Variants in SLC35F4 observed in about 807,000 individuals in gnomAD.
SLC35F4 encodes solute carrier family 35 member F4.
A neutral mutation model predicts 44.2 loss-of-function variants in SLC35F4; 24 were observed. The observed-to-expected ratio is 0.54, with a 90% CI of 0.39 to 0.76. SLC35F4 has a LOEUF of 0.76. Ranked by LOEUF, SLC35F4 falls within the 30% of genes least tolerant of loss-of-function variation. SLC35F4 has a pLI of 0.00. For synonymous variants in SLC35F4, 238 were observed against 223.6 expected (o/e 1.06, Z -0.57); for missense variants, 562 against 586.1 (o/e 0.96, Z 0.42).
chr14:57,742,089 G>A (rs1315300861), intron 1 of SLC35F4, among the ~76,000 whole-genome samples: 2 of 152,160 alleles, frequency 1.3e-5, no homozygotes, highest in African/African-American at 4.8e-5. Context: ...AACATGGAAA[G>A]GAACAACCGG....
intron 1 of SLC35F4, among the ~76,000 whole-genome samples, chr14:57,655,093 G>A (rs1206113225): frequency 6.6e-6 from 1 of 152,018 alleles, no homozygotes; most frequent in Non-Finnish European, 1.5e-5. Flanking sequence ...GTTCTTTACT[G>A]TATATCTGAA....
At chr14:57,741,391 T>G (rs1159206558) in intron 1 of SLC35F4, among the ~76,000 whole-genome samples, 2 of 152,068 alleles carry the variant, frequency 1.3e-5, no homozygotes, top group African/African-American at 2.4e-5. Flanking sequence ...AGAGAAGACC[T>G]TAAATGACCT....
chr14:57,884,668 A>G (rs1005368371), intron 1 of SLC35F4, among the ~76,000 whole-genome samples: 1 of 152,222 alleles, frequency 6.6e-6, no homozygotes, highest in African/African-American at 2.4e-5. Context: ...CAAACCAGAA[A>G]GTAAGTTCTT....
At chr14:57,717,020 G>T (rs1180695039) in intron 1 of SLC35F4, among the ~76,000 whole-genome samples, 2 of 152,054 alleles carry the variant, frequency 1.3e-5, no homozygotes, top group Admixed American at 6.5e-5. Flanking sequence ...TGTCCTACAG[G>T]CTCACCCATG....
At chr14:57,829,562 T>TTTC (rs1884136429) in intron 1 of SLC35F4, among the ~76,000 whole-genome samples, 1 of 152,178 alleles carries the variant, frequency 6.6e-6, no homozygotes, top group Non-Finnish European at 1.5e-5. Flanking sequence ...ATGGTGTCAC[T>TTTC]CTGGAACCTG....
At chr14:57,696,229 T>A (rs1316659384) in intron 1 of SLC35F4, among the ~76,000 whole-genome samples, 2 of 151,994 alleles carry the variant, frequency 1.3e-5, no homozygotes, top group Non-Finnish European at 2.9e-5. Context: ...TTAAACAAAT[T>A]TATAAGAAAA....
At chr14:57,787,300 TGAA>T (rs536147565) in intron 1 of SLC35F4, among the ~76,000 whole-genome samples, 53 of 152,306 alleles carry the variant, frequency 3.5e-4, no homozygotes, top group South Asian at 8.3e-4. Flanking sequence ...TCGGTGTTCC[TGAA>T]GAAGAAGAGA....
downstream of SLC35F4, among the ~76,000 whole-genome samples, chr14:57,975,885 G>A (rs1881200481): frequency 6.6e-6 from 1 of 152,204 alleles, no homozygotes; most frequent in Non-Finnish European, 1.5e-5. Context: ...CAAGGTGAAT[G>A]TCATTATCAT....
intron 1 of SLC35F4, among the ~76,000 whole-genome samples, chr14:57,726,897 G>C (rs2076217426): frequency 6.6e-6 from 1 of 152,114 alleles, no homozygotes; most frequent in Admixed American, 6.5e-5. Context: ...TCAGCTGCCA[G>C]CACAGCTAGA....
At chr14:57,812,662 G>C (rs1380201890) in intron 1 of SLC35F4, among the ~76,000 whole-genome samples, 1 of 151,988 alleles carries the variant, frequency 6.6e-6, no homozygotes, top group African/African-American at 2.4e-5. Context: ...GTATGACTTG[G>C]GGCAAGTTTG....
chr14:57,671,408 G>C (rs929180465), intron 1 of SLC35F4, among the ~76,000 whole-genome samples: 1 of 152,006 alleles, frequency 6.6e-6, no homozygotes, highest in Admixed American at 6.6e-5. Flanking sequence ...CAGCAGGATA[G>C]GGTACTGACC....
At chr14:57,590,064 C>T (rs2070061364) in intron 2 of SLC35F4, among the ~76,000 whole-genome samples, 1 of 150,754 alleles carries the variant, frequency 6.6e-6, no homozygotes, top group African/African-American at 2.4e-5. Context: ...AATAAATATT[C>T]GTTTCCATTT....
chr14:57,625,397 A>G (rs2072421780), intron 1 of SLC35F4, among the ~76,000 whole-genome samples: 1 of 152,210 alleles, frequency 6.6e-6, no homozygotes, highest in Non-Finnish European at 1.5e-5. Context: ...TATAAATTCA[A>G]TGCTATCCCT....
At chr14:57,644,873 A>G (rs1376237293) in intron 1 of SLC35F4, among the ~76,000 whole-genome samples, 1 of 152,228 alleles carries the variant, frequency 6.6e-6, no homozygotes, top group African/African-American at 2.4e-5. Context: ...TTTATTAAAT[A>G]GGGAATCCTT....
At chr14:57,582,222 G>C (rs142826938) in intron 3 of SLC35F4, among the ~76,000 whole-genome samples, 1,561 of 151,362 alleles carry the variant, frequency 0.01, 12 homozygotes, top group Middle Eastern at 0.031. Context: ...TTCCCCCTAG[G>C]TCTGGCTCTC....
At chr14:57,738,239 C>A (rs945913902) in intron 1 of SLC35F4, among the ~76,000 whole-genome samples, 1 of 152,148 alleles carries the variant, frequency 6.6e-6, no homozygotes, top group Non-Finnish European at 1.5e-5. Context: ...TTATATGGCT[C>A]ACATACATCT....
chr14:57,858,951 A>AAG (rs746838865), intron 1 of SLC35F4, among the ~76,000 whole-genome samples: 2 of 150,660 alleles, frequency 1.3e-5, no homozygotes, highest in Non-Finnish European at 3.0e-5. Flanking sequence ...AAAAAAAAAA[A>AAG]TTAATTAATT....
At chr14:57,873,720 A>G (rs1435270932) in intron 1 of SLC35F4, among the ~76,000 whole-genome samples, 2 of 150,436 alleles carry the variant, frequency 1.3e-5, no homozygotes, top group Non-Finnish European at 2.9e-5. Flanking sequence ...ATAATTTGCT[A>G]ATATTAAAGT....
In SLC35F4 at chr14:57,801,077, CA is replaced by C. The variant is rs1457293543; in HGVS notation, c.103+64645del. Among the ~76,000 whole-genome samples, 5 of 152,176 alleles carry C rather than the reference CA, an allele frequency of 3.3e-5. No homozygotes were observed. The East Asian group carries it at 9.7e-4, about 29-fold the overall frequency. On this transcript the variant is annotated intron_variant, in intron 1 of 7. Transcript: ENST00000556826. The stretch of plus-strand genomic sequence containing the variant: ...CAAGACACATAATCATCAGATTCTC[CA>C]AGGTCAAAATGAAAGGAAAAATATT...
Sources: allele counts gnomAD v4.1 joint callset (sites outside exome capture counted in the v4.1 genomes callset), GRCh38; gene constraint gnomAD v4.1.1; transcripts MANE v1.5; gene names NCBI Gene and HGNC (gene_info 2026-07-23, HGNC 2026-07-21).